ABCC1: variants seen among roughly 807,000 people sequenced by gnomAD.
ABCC1 encodes the protein multidrug resistance-associated protein 1.
In ABCC1, 83 loss-of-function variants were observed where a neutral mutation model predicts 172.9. That is an observed-to-expected ratio of 0.48 (90% confidence interval 0.40 to 0.58). ABCC1 has a LOEUF of 0.58. ABCC1 is among the 20% of genes least tolerant of loss of function. The pLI is 0.00. For synonymous variants in ABCC1, 937 were observed against 825.2 expected (o/e 1.14, Z -2.32); for missense variants, 1,817 against 2,002.7 (o/e 0.91, Z 1.77).
At chr16:16,071,056 T>C (rs2050326821) in intron 13 of ABCC1, among the ~76,000 whole-genome samples, 1 of 152,126 alleles carries the variant, frequency 6.6e-6, no homozygotes, top group Non-Finnish European at 1.5e-5. Context: ...CCACCAGGCC[T>C]CTGCCCTTTT....
chr16:15,950,118 C>T (rs1425377320), intron 1 of ABCC1, among the ~76,000 whole-genome samples: 1 of 151,756 alleles, frequency 6.6e-6, no homozygotes, highest in African/African-American at 2.4e-5. Context: ...AAACAACCTT[C>T]CAGGGAAGGG....
chr16:16,111,598 TC>T lies in ABCC1; in HGVS notation c.3079+19del. The T allele has an allele frequency of 6.2e-7, 1 of 1,604,626 alleles. No individual in the cohort carries two copies. Among genetic ancestry groups the T allele is most frequent in the Non-Finnish European group, 8.5e-7 (1 of 1,175,152 alleles). ...ATTTCACAAGGTTGGTGCCGCTGTC[TC>T]CCACCCCGCCTGATTTGGGCCCCTG... is the stretch of plus-strand genomic sequence containing the variant. On this transcript the variant is annotated intron_variant, in intron 22 of 30. Coordinates refer to ENST00000399410, the MANE Select transcript of ABCC1 (RefSeq NM_004996.4).
intron 5 of ABCC1, among the ~76,000 whole-genome samples, chr16:16,017,475 T>TG (rs1201449309): frequency 6.6e-6 from 1 of 152,120 alleles, no homozygotes; most frequent in African/African-American, 2.4e-5. Context: ...CATAGGTAGA[T>TG]GTGTGCCATG....
chr16:15,992,138 G>A (rs116080556), intron 1 of ABCC1, among the ~76,000 whole-genome samples: 2,375 of 151,892 alleles, frequency 0.016, 56 homozygotes, highest in African/African-American at 0.054. Flanking sequence ...CAGGCTGTGT[G>A]CTTCTTTTGA....
At chr16:16,084,734 C>T (rs924877160) in intron 17 of ABCC1, among the ~76,000 whole-genome samples, 4 of 151,696 alleles carry the variant, frequency 2.6e-5, no homozygotes, top group Non-Finnish European at 4.4e-5. Context: ...GATTCTCCTC[C>T]CTCAGCCTCT....
chr16:16,132,938 C>T (rs905109164), intron 27 of ABCC1, among the ~76,000 whole-genome samples: 5 of 152,120 alleles, frequency 3.3e-5, no homozygotes, highest in African/African-American at 1.2e-4. Context: ...TCAATCCTCC[C>T]CCGCCTGGCT....
chr16:16,140,786 G>A (rs997241857), intron 30 of ABCC1, among the ~76,000 whole-genome samples: 1 of 152,208 alleles, frequency 6.6e-6, no homozygotes, highest in Non-Finnish European at 1.5e-5. Flanking sequence ...AGTTGTAACA[G>A]AAAGCATATG....
At chr16:16,132,629 C>G (rs1020458926) in intron 27 of ABCC1, among the ~76,000 whole-genome samples, 12 of 134,152 alleles carry the variant, frequency 8.9e-5, no homozygotes, top group African/African-American at 3.3e-4. Context: ...TCAAGTGATT[C>G]TCCTGCCTTA....
intron 18 of ABCC1, among the ~76,000 whole-genome samples, chr16:16,087,646 T>C (rs2051063826): frequency 6.6e-6 from 1 of 151,628 alleles, no homozygotes; most frequent in African/African-American, 2.4e-5. Flanking sequence ...TTTAGTAGAA[T>C]CGAGGTTTCA....
chr16:16,059,338 C>T lies in ABCC1; in HGVS notation c.1677+3043C>T, dbSNP rs190333443. ...TTCGGAATTCCGGGCCATACAGTCT[C>T]TGTCACAAATACCAGTCTCTTCCAG... On this transcript the variant is annotated intron_variant, in intron 12 of 30. Transcript: ENST00000399410. Among the ~76,000 whole-genome samples, 293 of 152,310 alleles carry T rather than the reference C, an allele frequency of 1.9e-3. 1 individual carries two copies. Among genetic ancestry groups the T allele is most frequent in the African/African-American group, 6.7e-3 (278 of 41,582 alleles).
chr16:16,015,414 A>G (rs557907869), intron 4 of ABCC1, among the ~76,000 whole-genome samples: 2 of 152,214 alleles, frequency 1.3e-5, no homozygotes, highest in Non-Finnish European at 2.9e-5. Context: ...TTGGGATTAC[A>G]GGCGTGAGCC....
rs545747943 is a variant in ABCC1, at chr16:16,134,482, C to T, written c.4099C>T (p.Arg1367Cys). 2.2e-5 allele frequency: 36 copies of T among 1,614,170 alleles called. No individual in the cohort carries two copies. Among genetic ancestry groups the T allele is most frequent in the Non-Finnish European group, 3.1e-5 (36 of 1,180,048 alleles). ...NIAKIGLHDL[R>C]FKITIIPQDP... ...CGCCAAGATCGGCCTGCACGACCTCCGCTTCAAGATCACCATCATCCCCCA... is the reference window on the plus strand; with the variant it reads ...CGCCAAGATCGGCCTGCACGACCTCTGCTTCAAGATCACCATCATCCCCCA... The change falls in exon 28 of 31, where the codon CGC becomes TGC. Residue 1367 changes from arginine (R) to cysteine (C), a missense_variant. Arg to Cys is a radical substitution (Grantham distance 180, BLOSUM62 -3). This residue lies in a region of ABCC1 where 1,412 missense variants were observed against 1,600.3 expected (regional missense o/e 0.88). Transcript: ENST00000399410.
At chr16:16,037,679 A>G (rs1179853898) in intron 7 of ABCC1, among the ~76,000 whole-genome samples, 1 of 152,126 alleles carries the variant, frequency 6.6e-6, no homozygotes, top group Non-Finnish European at 1.5e-5. Context: ...AGTGTGGTGC[A>G]TTGGATTCCC....
intron 21 of ABCC1, among the ~76,000 whole-genome samples, chr16:16,108,060 C>T (rs2052214647): frequency 6.6e-6 from 1 of 151,982 alleles, no homozygotes; most frequent in Non-Finnish European, 1.5e-5. Context: ...CTGGTGTCCT[C>T]TCTCGCCTTA....
intron 1 of ABCC1, among the ~76,000 whole-genome samples, chr16:15,960,837 A>T (rs215099): frequency 2.0e-5 from 3 of 151,806 alleles, no homozygotes; most frequent in African/African-American, 7.3e-5. Context: ...ATAAAAATCT[A>T]GCCTGGAGCA....
rs1446260379 is a variant in ABCC1 at position 16,033,112 on chromosome 16, C to T, written c.619C>T (p.Pro207Ser). ...ACCTGTGCTTTCTTTCCACTAGAAT[C>T]CCTGCCCAGAGTCCAGCGCTTCCTT... ...LFSETIHDPNPCPESSASFLS... is the reference protein window; with the variant it reads ...LFSETIHDPNSCPESSASFLS... Residue 207 changes from proline to serine, a missense_variant, in exon 6 of 31, where the codon CCC (proline) becomes TCC (serine). By Grantham distance (74) the Pro-to-Ser change is moderately conservative. Around this residue, in one of 3 missense-constraint regions of ABCC1, gnomAD observed 398 missense variants for 384.2 expected, o/e 1.04. Coordinates refer to ENST00000399410, the MANE Select transcript of ABCC1 (RefSeq NM_004996.4). The T allele has an allele frequency of 1.2e-6, 2 of 1,614,028 alleles. No individual in the cohort carries two copies. Among genetic ancestry groups the T allele is most frequent in the African/African-American group, 1.3e-5 (1 of 74,932 alleles).
At chr16:16,111,806 A>G (rs1370087590) in intron 22 of ABCC1, among the ~76,000 whole-genome samples, 1 of 152,152 alleles carries the variant, frequency 6.6e-6, no homozygotes, top group East Asian at 1.9e-4. Context: ...GGAGTGCTCC[A>G]GTGTGCCCAT....
At chr16:15,966,143 G>C (rs1259241964) in intron 1 of ABCC1, among the ~76,000 whole-genome samples, 1 of 151,970 alleles carries the variant, frequency 6.6e-6, no homozygotes, top group Non-Finnish European at 1.5e-5. Flanking sequence ...AGCAGGGCGC[G>C]GTGGCTCACG....
intron 1 of ABCC1, among the ~76,000 whole-genome samples, chr16:15,976,061 T>G (rs1191633329): frequency 6.6e-6 from 1 of 151,134 alleles, no homozygotes; most frequent in Non-Finnish European, 1.5e-5. Flanking sequence ...AGATCAGGAG[T>G]TCGAGACCAG....
Sources: gnomAD v4.1 joint callset for allele counts (sites outside exome capture counted in the v4.1 genomes callset) on GRCh38, gnomAD v4.1.1 for gene constraint, gnomAD v4.1.1 regional missense constraint, MANE v1.5 for transcripts, NCBI Gene and HGNC (gene_info 2026-07-23, HGNC 2026-07-21) for gene names.